Variants in NOSTRIN observed in about 807,000 individuals in gnomAD.
The protein encoded by NOSTRIN is nitric oxide synthase trafficking, also known as BM247 homolog.
In NOSTRIN, 63 loss-of-function variants were observed where a neutral mutation model predicts 59.0. That is an observed-to-expected ratio of 1.07 (90% CI 0.87 to 1.32). The LOEUF (loss-of-function observed/expected upper bound fraction) is 1.32, where lower values mean the gene tolerates loss of function less well. Among genes scored for constraint, NOSTRIN ranks in the 40% most tolerant of loss-of-function variants. The pLI is 0.00. For synonymous variants in NOSTRIN, 200 were observed against 165.4 expected (o/e 1.21, Z -1.61); for missense variants, 512 against 473.1 (o/e 1.08, Z -0.76).
rs545841770 is a variant in NOSTRIN, at chr2:168,816,272, C to T, written c.113+4620C>T. On this transcript the variant is annotated intron_variant, in intron 2 of 15. Coordinates refer to ENST00000317647, the MANE Select transcript of NOSTRIN (RefSeq NM_001039724.4). ...TGAGGCCCTGTGCCTGTCTTTAACG[C>T]GCCTTTCACTCTGTAGCCATGACCC... 1.1e-3 allele frequency among the ~76,000 whole-genome samples: 172 copies of T among 152,306 alleles called. 1 individual carries two copies. The highest frequency in any genetic ancestry group is 4.4e-3 in the South Asian group (21 of 4,822).
intron 1 of NOSTRIN, among the ~76,000 whole-genome samples, chr2:168,804,883 C>T (rs1226590887): frequency 6.6e-6 from 1 of 152,062 alleles, no homozygotes; most frequent in Non-Finnish European, 1.5e-5. Flanking sequence ...GACTTTGTAA[C>T]CAATAAAAAT....
At chr2:168,797,284 A>T (rs1042398639), upstream of NOSTRIN, among the ~76,000 whole-genome samples, 2 of 151,536 alleles carry the variant, frequency 1.3e-5, no homozygotes, top group Admixed American at 1.3e-4. Context: ...TTTGGTAGAG[A>T]TGGGGTTTTA....
At chr2:168,814,346 G>A (rs1324695749) in intron 2 of NOSTRIN, among the ~76,000 whole-genome samples, 1 of 152,186 alleles carries the variant, frequency 6.6e-6, no homozygotes, top group Admixed American at 6.6e-5. Context: ...CATTTGCCTT[G>A]ACTCTCCCCA....
chr2:168,791,977 CTTGAG>C (rs780182316), intron 2 of NOSTRIN, among the ~76,000 whole-genome samples: 4 of 152,040 alleles, frequency 2.6e-5, no homozygotes, highest in Non-Finnish European at 5.9e-5. Context: ...TGCAGAAGCT[CTTGAG>C]TTTAATTAGA....
chr2:168,845,127 CG>C (rs940292897), intron 8 of NOSTRIN, among the ~76,000 whole-genome samples: 16 of 152,082 alleles, frequency 1.1e-4, no homozygotes, highest in African/African-American at 3.9e-4. Flanking sequence ...ACATAAGCTC[CG>C]GGTACTCTCT....
At position 168,788,611 on chromosome 2, in the gene NOSTRIN, A is replaced by G. The variant is rs570441810; in HGVS notation, c.-473+563A>G. ...GCAGCCTGGCATGAGAAGCCAGAGC[A>G]TGGAAAGTCAGAGTGGAAGCAGTGG... is the stretch of plus-strand genomic sequence containing the variant. On this transcript the variant is annotated intron_variant, in intron 2 of 20. Transcript: ENST00000458381. 1.7e-4 allele frequency among the ~76,000 whole-genome samples: 26 copies of G among 152,278 alleles called. No homozygotes were observed. In the East Asian group the frequency reaches 5.0e-3, roughly 29 times the overall value.
At chr2:168,836,435 C>T (rs1262826649) in intron 7 of NOSTRIN, among the ~76,000 whole-genome samples, 1 of 152,220 alleles carries the variant, frequency 6.6e-6, no homozygotes, top group Non-Finnish European at 1.5e-5. Flanking sequence ...TGTCATACAC[C>T]CATGCCATCT....
intron 15 of NOSTRIN, among the ~76,000 whole-genome samples, chr2:168,864,358 C>T (rs917321227): frequency 2.0e-5 from 3 of 151,312 alleles, no homozygotes; most frequent in Non-Finnish European, 4.4e-5. Flanking sequence ...ATGATCTCAG[C>T]TCACTGCAAC....
At chr2:168,800,230 T>G (rs554594944), upstream of NOSTRIN, among the ~76,000 whole-genome samples, 317 of 151,036 alleles carry the variant, frequency 2.1e-3, 4 homozygotes, top group South Asian at 0.017. Flanking sequence ...ATGAGTGAGG[T>G]CAGGGGACAC....
intron 10 of NOSTRIN, among the ~76,000 whole-genome samples, chr2:168,854,427 C>G (rs773816220): frequency 1.6e-4 from 24 of 152,174 alleles, no homozygotes; most frequent in Non-Finnish European, 2.9e-4. Context: ...CTCTGCCACT[C>G]ATGTTTAGCA....
chr2:168,837,050 G>A (rs1687765673), intron 7 of NOSTRIN, among the ~76,000 whole-genome samples: 1 of 152,096 alleles, frequency 6.6e-6, no homozygotes, highest in Admixed American at 6.6e-5. Flanking sequence ...TTCTCACGTG[G>A]TGGAAAGAGA....
In NOSTRIN at chr2:168,845,790, C is replaced by CTTCTTTTTTTTTTTTTTTTTTTT. The variant is rs36186706; in HGVS notation, c.630+2675_630+2676insCTTTTTTTTTTTTTTTTTTTTTT. ...AGACCTAGTTTTAGTTTTTTTCTTC[C>CTTCTTTTTTTTTTTTTTTTTTTT]TTTTTTTTTTTTTTTTTGTTAGAAT... is the stretch of plus-strand genomic sequence containing the variant. On this transcript the variant is annotated intron_variant, in intron 8 of 15. Transcript: ENST00000317647. Among the ~76,000 whole-genome samples the CTTCTTTTTTTTTTTTTTTTTTTT allele has an allele frequency of 1.4e-5, 2 of 140,630 alleles. 1 individual carries two copies. Among genetic ancestry groups the CTTCTTTTTTTTTTTTTTTTTTTT allele is most frequent in the African/African-American group, 5.4e-5 (2 of 37,380 alleles). 92.3% of individuals were successfully genotyped at this position (140,630 alleles called of 152,430 possible). A position where few individuals can be genotyped will look rare whatever the true frequency, so the allele number is the denominator to read the frequency against.
intron 11 of NOSTRIN, 69 bp downstream of exon 11, chr2:168,855,529 A>C: frequency 5.4e-6 from 4 of 745,252 alleles, no homozygotes; most frequent in Non-Finnish European, 8.6e-6. Flanking sequence ...ATTCAGAGTT[A>C]GGATTGATCT....
chr2:168,845,790 C>CTTTTTT (rs3216710), intron 8 of NOSTRIN, among the ~76,000 whole-genome samples: 8 of 140,638 alleles, frequency 5.7e-5, no homozygotes, highest in African/African-American at 8.0e-5. Flanking sequence ...TTTTTTCTTC[C>CTTTTTT]TTTTTTTTTT....
upstream of NOSTRIN, among the ~76,000 whole-genome samples, chr2:168,793,199 G>C (rs1036671148): frequency 1.3e-5 from 2 of 152,120 alleles, no homozygotes; most frequent in Non-Finnish European, 2.9e-5. Context: ...GTTAGTTAAG[G>C]CCTCACCATT....
chr2:168,837,235 C>G (rs928615336), intron 7 of NOSTRIN, among the ~76,000 whole-genome samples: 2 of 151,062 alleles, frequency 1.3e-5, no homozygotes, highest in Non-Finnish European at 2.9e-5. Context: ...ACATTCCTCT[C>G]CAGATATTGT....
Position 168,856,716 on chromosome 2 carries a change from T to C in NOSTRIN, c.991T>C (p.Ser331Pro). 1.9e-6 allele frequency: 3 copies of C among 1,614,116 alleles called. No individual in the cohort carries two copies. Among genetic ancestry groups the C allele is most frequent in the Non-Finnish European group, 2.5e-6 (3 of 1,180,002 alleles). The stretch of plus-strand genomic sequence containing the variant: ...CCTGGAACGAATGCTTAAAACGTAC[T>C]CCAGCACCTCCTCCTTCTCTGATGC... ...EGLERMLKTYSSTSSFSDAKS... is the reference protein window; with the variant it reads ...EGLERMLKTYPSTSSFSDAKS... The change falls in exon 12 of 16, where the codon TCC (serine) becomes CCC (proline). Residue 331 changes from serine to proline, a missense_variant. By Grantham distance (74) the Ser-to-Pro change is moderately conservative. Transcript: ENST00000317647.
upstream of NOSTRIN, among the ~76,000 whole-genome samples, chr2:168,793,483 C>T (rs1361077251): frequency 6.6e-6 from 1 of 152,092 alleles, no homozygotes; most frequent in Non-Finnish European, 1.5e-5. Flanking sequence ...CGGTGGCACA[C>T]ACCTTTAGCT....
chr2:168,825,177 C>T (rs2105617738), intron 3 of NOSTRIN, among the ~76,000 whole-genome samples: 1 of 152,312 alleles, frequency 6.6e-6, no homozygotes, highest in South Asian at 2.1e-4. Context: ...TGTGTGCATG[C>T]ACTGTGTTAA....
Sources: gnomAD v4.1 joint callset for allele counts (sites outside exome capture counted in the v4.1 genomes callset) on GRCh38, gnomAD v4.1.1 for gene constraint, MANE v1.5 for transcripts, NCBI Gene and HGNC (gene_info 2026-07-23, HGNC 2026-07-21) for gene names.